The following TUBA1C variants were observed in gnomAD, a reference collection of about 807,000 sequenced individuals.
The protein encoded by TUBA1C is tubulin alpha 1c, also known as tubulin alpha-1C chain.
TUBA1C carries 16 observed loss-of-function variants against 34.9 expected under a neutral mutation model. The observed-to-expected ratio is 0.46, with a 90% CI of 0.31 to 0.70. TUBA1C has a LOEUF of 0.70. Ranked by LOEUF, TUBA1C falls within the 30% of genes least tolerant of loss-of-function variation. The pLI is 0.05. For missense variants in TUBA1C, 329 were observed against 587.3 expected (o/e 0.56, Z 4.55); for synonymous variants, 177 against 215.9 (o/e 0.82, Z 1.58).
At chr12:49,266,821 C>G (rs2335452) in intron 1 of TUBA1C, among the ~76,000 whole-genome samples, 7,460 of 152,166 alleles carry the variant, frequency 0.049, 184 homozygotes, top group Middle Eastern at 0.099. Flanking sequence ...TGCACTCCAG[C>G]GAGACCTTAT....
chr12:49,268,187 G>T (rs1376296837), intron 1 of TUBA1C, among the ~76,000 whole-genome samples: 3 of 151,978 alleles, frequency 2.0e-5, no homozygotes, highest in Non-Finnish European at 4.4e-5. Flanking sequence ...CCACCTCCTG[G>T]GTTTGGGTTC....
chr12:49,235,328 A>G (rs1246752533), intron 1 of TUBA1C, among the ~76,000 whole-genome samples: 1 of 151,854 alleles, frequency 6.6e-6, no homozygotes, highest in African/African-American at 2.4e-5. Context: ...GCGAAAATTC[A>G]GCTGGGGCGC....
At position 49,274,462 on chromosome 12, in the gene TUBA1C, T is replaced by A. The variant is rs1943035700; in HGVS notation, c.*1235T>A. On this transcript the variant is annotated 3_prime_UTR_variant, in exon 4 of 4. Transcript: ENST00000301072. ...ATACGTTTTTTAATAACCTCCCAAA[T>A]GATGCTGTTGGTCTGATGTGACCAC... 1 of 151,794 alleles carries A rather than the reference T, an allele frequency of 6.6e-6. No individual in the cohort carries two copies. The highest frequency in any genetic ancestry group is 1.5e-5 in the Non-Finnish European group (1 of 68,002). 9.4% of individuals were successfully genotyped at this position (151,794 alleles called of 1,614,324 possible). A position where few individuals can be genotyped will look rare whatever the true frequency, so the allele number is the denominator to read the frequency against.
chr12:49,256,588 C>A, intron 1 of TUBA1C: 1 of 283,604 alleles, frequency 3.5e-6, no homozygotes, highest in Non-Finnish European at 7.3e-6. Flanking sequence ...ATCAGAAACA[C>A]ACAAAGAACT....
chr12:49,266,397 T>C (rs949620145), intron 1 of TUBA1C, among the ~76,000 whole-genome samples: 1 of 151,684 alleles, frequency 6.6e-6, no homozygotes, highest in Non-Finnish European at 1.5e-5. Context: ...GCCACTGCAC[T>C]CCAGCCTGGG....
At chr12:49,270,788 G>A (rs1942980388) in intron 3 of TUBA1C, among the ~76,000 whole-genome samples, 2 of 152,110 alleles carry the variant, frequency 1.3e-5, no homozygotes. Context: ...AGACCATCCT[G>A]GCTAACATGG....
At chr12:49,237,953 C>T (rs559734955) in intron 1 of TUBA1C, among the ~76,000 whole-genome samples, 2 of 151,592 alleles carry the variant, frequency 1.3e-5, no homozygotes, top group South Asian at 4.2e-4. Context: ...TACTAAAAAT[C>T]CTAAAATTAG....
chr12:49,237,946 T>C (rs1269429567), intron 1 of TUBA1C, among the ~76,000 whole-genome samples: 1 of 151,582 alleles, frequency 6.6e-6, no homozygotes, highest in African/African-American at 2.4e-5. Flanking sequence ...TCGTCTCTAC[T>C]AAAAATCCTA....
At chr12:49,269,753 G>C in intron 2 of TUBA1C, 66 bp downstream of exon 2, 13 of 1,613,180 alleles carry the variant, frequency 8.1e-6, no homozygotes, top group Non-Finnish European at 9.3e-6. Context: ...GTCCTGGGGG[G>C]GCTCCGCTGG....
rs771623195 is a variant in TUBA1C at position 49,265,139 on chromosome 12, C to A, written c.-43C>A. The A allele has an allele frequency of 2.5e-6, 4 of 1,596,116 alleles. No individual in the cohort carries two copies. In the Admixed American group the frequency reaches 5.1e-5, roughly 20 times the overall value. ...TTAGTGGGAGATCCTTGTTGCCGTC[C>A]CTTCGCCTCCTTCACCGCCGCAGAC... On this transcript the variant is annotated 5_prime_UTR_variant, in exon 1 of 4. Coordinates refer to ENST00000301072, the MANE Select transcript of TUBA1C (RefSeq NM_032704.5).
intron 1 of TUBA1C, among the ~76,000 whole-genome samples, chr12:49,249,824 C>G (rs1293110361): frequency 6.6e-6 from 1 of 151,938 alleles, no homozygotes; most frequent in Non-Finnish European, 1.5e-5. Context: ...TGAGGTCACG[C>G]CACTGCACTC....
chr12:49,269,359 A>G, intron 1 of TUBA1C, 106 bp from the exon 2 acceptor site: 1 of 1,542,732 alleles, frequency 6.5e-7, no homozygotes. Context: ...CACTGCGCCC[A>G]GCCAGTTATC....
chr12:49,251,540 C>T (rs993711315), intron 1 of TUBA1C, among the ~76,000 whole-genome samples: 8 of 151,978 alleles, frequency 5.3e-5, no homozygotes, highest in African/African-American at 1.9e-4. Flanking sequence ...TTTGGGAGGC[C>T]GAGATGGATG....
At chr12:49,255,290 C>T (rs550175494) in intron 1 of TUBA1C, among the ~76,000 whole-genome samples, 1 of 151,982 alleles carries the variant, frequency 6.6e-6, no homozygotes, top group East Asian at 1.9e-4. Flanking sequence ...CCTTACTCTG[C>T]AGTGCTTTTC....
intron 1 of TUBA1C, among the ~76,000 whole-genome samples, chr12:49,254,035 G>T (rs1942756679): frequency 6.6e-6 from 1 of 152,150 alleles, no homozygotes; most frequent in South Asian, 2.1e-4. Context: ...AGGGGAGCCG[G>T]GTGCGGTGAC....
Position 49,273,327 on chromosome 12 carries a change from A to ATTT in TUBA1C, c.*102_*104dup. On this transcript the variant is annotated 3_prime_UTR_variant, in exon 4 of 4. Transcript: ENST00000301072. Reference sequence around the variant, plus strand: ...AATTGTTAATAAAATTGAAGTTTCCATTTTAAATGTCGAGCTGACTTAAAT... The same window carrying ATTT: ...AATTGTTAATAAAATTGAAGTTTCCATTTTTTTAAATGTCGAGCTGACTTAAAT... 2 of 1,601,850 alleles carry ATTT rather than the reference A, an allele frequency of 1.2e-6. No individual in the cohort carries two copies. Among genetic ancestry groups the ATTT allele is most frequent in the Non-Finnish European group, 1.7e-6 (2 of 1,172,660 alleles).
intron 1 of TUBA1C, among the ~76,000 whole-genome samples, chr12:49,228,743 G>A (rs1268209531): frequency 6.6e-6 from 1 of 152,160 alleles, no homozygotes; most frequent in Non-Finnish European, 1.5e-5. Flanking sequence ...TGTGAAGTGG[G>A]AGGGAGAGAA....
At chr12:49,242,076 G>A (rs545936833) in intron 1 of TUBA1C, among the ~76,000 whole-genome samples, 8 of 149,264 alleles carry the variant, frequency 5.4e-5, no homozygotes, top group South Asian at 2.1e-4. Flanking sequence ...TGCAGCCTCC[G>A]CCTCCTGGAT....
rs536780790 is a variant in TUBA1C, at chr12:49,255,901, T to G, written c.214-13564T>G. Among the ~76,000 whole-genome samples the G allele has an allele frequency of 2.6e-5, 4 of 152,234 alleles. No homozygotes were observed. The East Asian group carries it at 7.7e-4, about 29-fold the overall frequency. On this transcript the variant is annotated intron_variant, in intron 1 of 3. Transcript: ENST00000541364. ...TTTTAGGCTTCCATAGCAATGTGCTTGAGGCTAGGGCGTGGTGGCTGACAT... is the reference window on the plus strand; with the variant it reads ...TTTTAGGCTTCCATAGCAATGTGCTGGAGGCTAGGGCGTGGTGGCTGACAT...
Sources: gnomAD v4.1 joint callset for allele counts (sites outside exome capture counted in the v4.1 genomes callset) on GRCh38, gnomAD v4.1.1 for gene constraint, MANE v1.5 for transcripts, NCBI Gene and HGNC (gene_info 2026-07-23, HGNC 2026-07-21) for gene names.